SHANK2: variants seen among roughly 807,000 people sequenced by gnomAD.
SHANK2 encodes SH3 and multiple ankyrin repeat domains protein 2.
Under a neutral mutation model 133.7 loss-of-function variants are expected in SHANK2, and 43 were observed. The observed-to-expected ratio is 0.32, with a 90% CI of 0.25 to 0.41. SHANK2 has a LOEUF of 0.41. Among genes scored for constraint, SHANK2 ranks in the 10% least tolerant of loss-of-function variants. The pLI is 1.00. For synonymous variants in SHANK2, 1,017 were observed against 952.8 expected (o/e 1.07, Z -1.24); for missense variants, 1,994 against 2,235.8 (o/e 0.89, Z 2.18).
chr11:70,943,572 G>T (rs534835632), intron 10 of SHANK2, among the ~76,000 whole-genome samples: 1 of 152,280 alleles, frequency 6.6e-6, no homozygotes, highest in South Asian at 2.1e-4. Context: ...CTGGGCGGCA[G>T]GGACAGGGGC....
In SHANK2 at chr11:71,103,960, A is replaced by G. The variant is rs1471063370; in HGVS notation, c.592+5981T>C. Among the ~76,000 whole-genome samples, 3 of 150,300 alleles carry G rather than the reference A, an allele frequency of 2.0e-5. No homozygotes were observed. In the East Asian group the frequency reaches 5.9e-4, roughly 30 times the overall value. ...CTCTCTCCCTTGCTTTTGCCATGCAATGCACCTGCTCTCCCTTTGCCTTCC... is the reference window on the plus strand; with the variant it reads ...CTCTCTCCCTTGCTTTTGCCATGCAGTGCACCTGCTCTCCCTTTGCCTTCC... On this transcript the variant is annotated intron_variant, in intron 6 of 25. Transcript: ENST00000601538.
chr11:70,479,594 T>C lies in SHANK2; in HGVS notation c.4979+5720A>G, dbSNP rs1317731993. Among the ~76,000 whole-genome samples, 1 of 152,168 alleles carries C rather than the reference T, an allele frequency of 6.6e-6. No individual in the cohort carries two copies. Among genetic ancestry groups the C allele is most frequent in the Non-Finnish European group, 1.5e-5 (1 of 68,020 alleles). ...GAGGTCCCTTCTGGACCCCACCCAC[T>C]GCAAAGGGCTGGCGACCTAGAGGGG... On this transcript the variant is annotated intron_variant, in intron 25 of 25. Coordinates refer to ENST00000601538, the MANE Select transcript of SHANK2 (RefSeq NM_012309.5). This position sits in a 1 kb window ranked among gnomAD's most constrained non-coding sequence, Gnocchi z 4.4.
At chr11:70,937,299 A>G (rs2135827205) in intron 10 of SHANK2, among the ~76,000 whole-genome samples, 1 of 152,338 alleles carries the variant, frequency 6.6e-6, no homozygotes, top group East Asian at 1.9e-4. Flanking sequence ...AAATCTTTTG[A>G]AACTCCCCAA....
At chr11:70,835,127 C>T (rs1036489365) in intron 11 of SHANK2, among the ~76,000 whole-genome samples, 2 of 152,216 alleles carry the variant, frequency 1.3e-5, no homozygotes, top group Non-Finnish European at 2.9e-5. Flanking sequence ...CACGCAGCTC[C>T]AGCCTTGGCC....
At chr11:71,121,967 A>T (rs1287900980) in intron 3 of SHANK2, among the ~76,000 whole-genome samples, 1 of 152,206 alleles carries the variant, frequency 6.6e-6, no homozygotes, top group Non-Finnish European at 1.5e-5. Context: ...CACCAGTTAG[A>T]ATGGCGATCA....
At chr11:70,505,349 G>A (rs536038357) in intron 17 of SHANK2, among the ~76,000 whole-genome samples, 3 of 152,258 alleles carry the variant, frequency 2.0e-5, no homozygotes, top group South Asian at 2.1e-4. Context: ...CCAAACACAC[G>A]TGGGGGGGCA....
At chr11:70,546,580 G>A (rs183603311) in intron 17 of SHANK2, among the ~76,000 whole-genome samples, 193 of 152,204 alleles carry the variant, frequency 1.3e-3, no homozygotes, top group African/African-American at 3.7e-3. Context: ...CCTCAAGATC[G>A]AGACCCTCCC....
intron 17 of SHANK2, among the ~76,000 whole-genome samples, chr11:70,533,058 G>T (rs1479181307): frequency 8.5e-5 from 13 of 152,170 alleles, no homozygotes; most frequent in African/African-American, 3.1e-4. Flanking sequence ...ATTCACAGCG[G>T]CGGAAAGCAG....
rs115580077 is a variant in SHANK2 at position 70,877,235 on chromosome 11, C to T, written c.1174+19266G>A. Among the ~76,000 whole-genome samples the T allele has an allele frequency of 6.1e-3, 929 of 152,348 alleles. 7 individuals are homozygous for T. The highest frequency in any genetic ancestry group is 0.021 in the African/African-American group (874 of 41,590). ...CCCGCTCGCTGGATAACTCTGAGAG[C>T]AGGCAGGTGTTCCGAGGGCCCCAGC... is the stretch of plus-strand genomic sequence containing the variant. On this transcript the variant is annotated intron_variant, in intron 11 of 25. Coordinates refer to ENST00000601538, the MANE Select transcript of SHANK2 (RefSeq NM_012309.5).
Position 70,863,272 on chromosome 11 carries a change from G to A in SHANK2, c.1174+33229C>T, listed in dbSNP as rs765257050. 5 of 454,102 alleles carry A rather than the reference G, an allele frequency of 1.1e-5. 1 individual carries two copies. The highest frequency in any genetic ancestry group is 2.0e-5 in the African/African-American group (1 of 50,008). The allele number at this position is 454,102 out of a possible 1,614,324, so 28.1% of individuals were successfully genotyped here. On this transcript the variant is annotated intron_variant, in intron 11 of 25. Transcript: ENST00000601538. ...TGACACCTCTCCCCATGACATGGCT[G>A]TCTCTGTTTCAGCTGATCTAAGCAC...
At chr11:70,735,142 A>G (rs1591797795) in intron 14 of SHANK2, among the ~76,000 whole-genome samples, 1 of 152,172 alleles carries the variant, frequency 6.6e-6, no homozygotes, top group Non-Finnish European at 1.5e-5. Flanking sequence ...ACTCTGCCCA[A>G]TCTGTCAGGG....
intron 6 of SHANK2, among the ~76,000 whole-genome samples, chr11:71,102,259 AT>A (rs200741439): frequency 0.029 from 4,164 of 146,102 alleles, 165 homozygotes; most frequent in African/African-American, 0.091. Flanking sequence ...GGAAGTCTTT[AT>A]TTTTTTTTTT....
At position 70,809,200 on chromosome 11, in the gene SHANK2, C is replaced by T. The variant is rs539112219; in HGVS notation, c.1494-2029G>A. Among the ~76,000 whole-genome samples, 93 of 152,344 alleles carry T rather than the reference C, an allele frequency of 6.1e-4. 1 individual carries two copies. Among genetic ancestry groups the T allele is most frequent in the Non-Finnish European group, 6.5e-4 (44 of 68,028 alleles). ...GAAAGACAGGGAAAGTGTCCACCTG[C>T]GGCTGGCATCCTCCAACAGGGCGCC... On this transcript the variant is annotated intron_variant, in intron 12 of 25. Transcript: ENST00000601538.
intron 11 of SHANK2, chr11:70,863,512 C>T (rs1301958801): frequency 2.2e-6 from 1 of 457,810 alleles, no homozygotes; most frequent in Non-Finnish European, 4.4e-6. Context: ...CTAGGACTCG[C>T]CCACCTGCTC....
chr11:70,911,022 G>T lies in SHANK2; in HGVS notation c.1108-14455C>A, dbSNP rs568325699. ...ACCTCAGCATTTGCAGAAACGAAGG[G>T]GGTGCTCCTGTAAGTAATGTCACAC... On this transcript the variant is annotated intron_variant, in intron 10 of 25. Coordinates refer to ENST00000601538, the MANE Select transcript of SHANK2 (RefSeq NM_012309.5). The T allele has an allele frequency of 4.6e-5, 21 of 457,020 alleles. 1 individual carries two copies. Among genetic ancestry groups the T allele is most frequent in the East Asian group, 2.8e-4 (4 of 14,384 alleles). The allele number at this position is 457,020 out of a possible 1,614,324, so 28.3% of individuals were successfully genotyped here.
At chr11:70,587,922 A>T (rs2060275650) in intron 17 of SHANK2, among the ~76,000 whole-genome samples, 1 of 152,032 alleles carries the variant, frequency 6.6e-6, no homozygotes, top group South Asian at 2.1e-4. Flanking sequence ...TGCTCACTTC[A>T]TGTCTCTGTG....
chr11:70,527,667 C>G (rs2059416398), intron 17 of SHANK2, among the ~76,000 whole-genome samples: 2 of 152,210 alleles, frequency 1.3e-5, no homozygotes, highest in Admixed American at 6.5e-5. Context: ...GCCGGGCCCC[C>G]AAATCTCTCT....
intron 2 of SHANK2, among the ~76,000 whole-genome samples, chr11:71,191,621 G>T (rs142283968): frequency 1.3e-5 from 2 of 152,066 alleles, no homozygotes; most frequent in Non-Finnish European, 2.9e-5. Flanking sequence ...GTGCAATGGC[G>T]TGATCTCAGC....
intron 14 of SHANK2, among the ~76,000 whole-genome samples, chr11:70,753,213 T>C (rs1205434054): frequency 7.1e-6 from 1 of 141,832 alleles, no homozygotes. Context: ...AAAAACAAAA[T>C]GGACAGCCAC....
Sources: gnomAD v4.1 joint callset for allele counts (sites outside exome capture counted in the v4.1 genomes callset) on GRCh38, gnomAD v4.1.1 for gene constraint, Gnocchi (gnomAD v3.1) non-coding constraint, MANE v1.5 for transcripts, NCBI Gene and HGNC (gene_info 2026-07-23, HGNC 2026-07-21) for gene names.